Variants in PDE11A observed in about 807,000 individuals in gnomAD.
PDE11A encodes the protein dual 3',5'-cyclic-AMP and -GMP phosphodiesterase 11A.
In PDE11A, 100 loss-of-function variants were observed where a neutral mutation model predicts 100.5. The ratio of observed to expected loss-of-function variants is 1.00; its 90% confidence interval spans 0.85 to 1.18. PDE11A has a LOEUF of 1.18. PDE11A is among the 50% of genes most tolerant of loss of function. The pLI, the probability that PDE11A is intolerant of heterozygous loss-of-function variation, is 0.00. For missense variants in PDE11A, 1,141 were observed against 1,152.6 expected (o/e 0.99, Z 0.15); for synonymous variants, 381 against 420.8 (o/e 0.91, Z 1.16).
chr2:177,701,592 T>C (rs1401701541), intron 13 of PDE11A, among the ~76,000 whole-genome samples: 2 of 152,142 alleles, frequency 1.3e-5, no homozygotes, highest in African/African-American at 2.4e-5. Flanking sequence ...CCAATCGAAG[T>C]GCTATGGACG....
intron 1 of PDE11A, among the ~76,000 whole-genome samples, chr2:178,051,815 A>C (rs2086831339): frequency 6.6e-6 from 1 of 152,228 alleles, no homozygotes; most frequent in Admixed American, 6.5e-5. Context: ...AGAGCTAACT[A>C]TCCTAAATAT....
At chr2:177,899,223 C>T (rs919275544) in intron 3 of PDE11A, among the ~76,000 whole-genome samples, 11 of 151,970 alleles carry the variant, frequency 7.2e-5, no homozygotes, top group Non-Finnish European at 1.0e-4. Context: ...CTGGCTAATA[C>T]GGTGAAACCC....
chr2:177,785,520 G>A (rs113398955), intron 9 of PDE11A, among the ~76,000 whole-genome samples: 18 of 152,186 alleles, frequency 1.2e-4, no homozygotes, highest in Non-Finnish European at 2.5e-4. Flanking sequence ...ACTAGGGAGT[G>A]CCAGACAGTG....
chr2:177,926,606 A>T (rs1344991307), intron 2 of PDE11A, among the ~76,000 whole-genome samples: 1 of 150,822 alleles, frequency 6.6e-6, no homozygotes, highest in Non-Finnish European at 1.5e-5. Flanking sequence ...TAAGGTTTGA[A>T]AGGTTTGAAG....
At chr2:177,947,793 TAAA>T (rs71010840) in intron 2 of PDE11A, among the ~76,000 whole-genome samples, 30 of 26,792 alleles carry the variant, frequency 1.1e-3, no homozygotes, top group Middle Eastern at 0.056. Flanking sequence ...AATAAAAAAA[TAAA>T]AAAAAAATAA....
chr2:177,930,167 T>C (rs1008510662), intron 2 of PDE11A, among the ~76,000 whole-genome samples: 1 of 152,248 alleles, frequency 6.6e-6, no homozygotes, highest in Non-Finnish European at 1.5e-5. Flanking sequence ...TTTGTGCTGC[T>C]ATTCATAAAG....
intron 2 of PDE11A, among the ~76,000 whole-genome samples, chr2:177,924,014 C>A (rs2085091974): frequency 6.6e-6 from 1 of 152,116 alleles, no homozygotes; most frequent in Non-Finnish European, 1.5e-5. Context: ...ATATATTCAC[C>A]AGGTCAAGAA....
chr2:177,813,120 G>A (rs1421572671), intron 9 of PDE11A, among the ~76,000 whole-genome samples: 2 of 90,284 alleles, frequency 2.2e-5, no homozygotes, highest in Non-Finnish European at 4.5e-5. Context: ...TGGGGCTGCT[G>A]CTGGCTTATC....
chr2:177,685,090 G>A (rs752738392), intron 15 of PDE11A, among the ~76,000 whole-genome samples: 2 of 152,054 alleles, frequency 1.3e-5, no homozygotes, highest in Non-Finnish European at 2.9e-5. Flanking sequence ...GCCCACTTTT[G>A]TTCACTTCTG....
intron 10 of PDE11A, among the ~76,000 whole-genome samples, chr2:177,745,669 C>T (rs974904222): frequency 1.3e-5 from 2 of 152,180 alleles, no homozygotes; most frequent in East Asian, 3.9e-4. Context: ...CACATCAGAG[C>T]CCAGGCCTTA....
At chr2:177,810,850 G>A (rs1558949728) in intron 9 of PDE11A, among the ~76,000 whole-genome samples, 1 of 152,126 alleles carries the variant, frequency 6.6e-6, no homozygotes, top group Non-Finnish European at 1.5e-5. Context: ...CCCTTAAGTA[G>A]GATGGTTGCT....
chr2:177,967,658 C>T (rs1431107682), intron 2 of PDE11A, among the ~76,000 whole-genome samples: 1 of 151,928 alleles, frequency 6.6e-6, no homozygotes, highest in Non-Finnish European at 1.5e-5. Context: ...AAACCTCAGC[C>T]TCTAAAACCT....
intron 9 of PDE11A, among the ~76,000 whole-genome samples, chr2:177,801,278 AT>A (rs1484849151): frequency 6.6e-6 from 1 of 152,174 alleles, no homozygotes; most frequent in Non-Finnish European, 1.5e-5. Context: ...TAATAAATTT[AT>A]CTTGCTAATT....
chr2:177,956,859 A>G (rs892617172), intron 2 of PDE11A, among the ~76,000 whole-genome samples: 71 of 152,246 alleles, frequency 4.7e-4, no homozygotes, highest in African/African-American at 1.7e-3. Flanking sequence ...GAATTGAACA[A>G]TGAGAACACA....
intron 1 of PDE11A, among the ~76,000 whole-genome samples, chr2:178,039,183 G>T (rs1251418495): frequency 6.6e-6 from 1 of 152,152 alleles, no homozygotes; most frequent in Non-Finnish European, 1.5e-5. Context: ...ATATACACAT[G>T]GATACTATGC....
intron 14 of PDE11A, among the ~76,000 whole-genome samples, chr2:177,699,122 TCTC>T (rs1412039261): frequency 6.6e-6 from 1 of 152,162 alleles, no homozygotes; most frequent in Non-Finnish European, 1.5e-5. Flanking sequence ...TGTTAGGTGA[TCTC>T]CTCATTGTGT....
chr2:178,038,138 T>TA (rs965564532), intron 1 of PDE11A, among the ~76,000 whole-genome samples: 1 of 152,102 alleles, frequency 6.6e-6, no homozygotes, highest in Non-Finnish European at 1.5e-5. Context: ...ATAATTGAAA[T>TA]AAAAAAACTG....
chr2:177,701,416 T>C lies in PDE11A; in HGVS notation c.2154-205A>G, dbSNP rs192773425. Among the ~76,000 whole-genome samples, 405 of 152,306 alleles carry C rather than the reference T, an allele frequency of 2.7e-3. 2 individuals carry two copies. The highest frequency in any genetic ancestry group is 0.01 in the Middle Eastern group (3 of 294). On this transcript the variant is annotated intron_variant, in intron 13 of 19. Coordinates refer to ENST00000286063, the MANE Select transcript of PDE11A (RefSeq NM_016953.4). ...AGAAAGTTCCTAATACATAGAACTT[T>C]CTATGTATTAGGCTAGATGCTGCAA... is the stretch of plus-strand genomic sequence containing the variant.
intron 2 of PDE11A, among the ~76,000 whole-genome samples, chr2:177,995,921 A>G (rs763152471): frequency 4.6e-5 from 7 of 152,182 alleles, no homozygotes; most frequent in Non-Finnish European, 1.0e-4. Context: ...AGCAATCTCC[A>G]ATTTGTCTTT....
Sources: gnomAD v4.1 joint callset for allele counts (sites outside exome capture counted in the v4.1 genomes callset) on GRCh38, gnomAD v4.1.1 for gene constraint, MANE v1.5 for transcripts, NCBI Gene and HGNC (gene_info 2026-07-23, HGNC 2026-07-21) for gene names.